Variants in FAM193A observed in about 807,000 individuals in gnomAD.
FAM193A encodes the protein family with sequence similarity 193 member A.
A neutral mutation model predicts 126.5 loss-of-function variants in FAM193A; 22 were observed. That is an observed-to-expected ratio of 0.17 (90% CI 0.12 to 0.25). The LOEUF (loss-of-function observed/expected upper bound fraction) is 0.25, where lower values mean the gene tolerates loss of function less well. Ranked by LOEUF, FAM193A falls within the 10% of genes least tolerant of loss-of-function variation. The pLI, the probability that FAM193A is intolerant of heterozygous loss-of-function variation, is 1.00. For missense variants in FAM193A, 1,675 were observed against 1,672.8 expected, an observed-to-expected ratio of 1.00 and a Z score of -0.02; for synonymous variants, 761 against 646.8, an observed-to-expected ratio of 1.18 and a Z score of -2.68.
Position 2,639,815 on chromosome 4 carries a change from G to C in FAM193A, c.1119G>C (p.Glu373Asp). The change falls in exon 6 of 21, where the codon GAG becomes GAC. Residue 373 changes from glutamate to aspartate, a missense_variant. Around this residue, in one of 4 missense-constraint regions of FAM193A, gnomAD observed 1,186 missense variants for 1,109.2 expected, o/e 1.07. Coordinates refer to ENST00000637812, the MANE Select transcript of FAM193A (RefSeq NM_001366318.2). ...TGTTTGAAAATCTGGTCTTTTCGGA[G>C]CCACTTCTTCAGAGCAACTTGCCCG... ...KHLFENLVFSEPLLQSNLPAL... is the reference protein window; with the variant it reads ...KHLFENLVFSDPLLQSNLPAL... The C allele has an allele frequency of 1.2e-6, 2 of 1,614,122 alleles. No homozygotes were observed. The highest frequency in any genetic ancestry group is 1.3e-5 in the African/African-American group (1 of 75,048).
At chr4:2,589,892 T>C (rs1740423787) in intron 1 of FAM193A, among the ~76,000 whole-genome samples, 2 of 152,074 alleles carry the variant, frequency 1.3e-5, no homozygotes, top group African/African-American at 4.8e-5. Flanking sequence ...ATCCCAGCAC[T>C]TTGGGAGGCC....
At chr4:2,594,711 G>A (rs1740752065) in intron 1 of FAM193A, among the ~76,000 whole-genome samples, 1 of 151,986 alleles carries the variant, frequency 6.6e-6, no homozygotes, top group African/African-American at 2.4e-5. Flanking sequence ...GGTTGATACG[G>A]GTTAAAAATC....
chr4:2,564,524 G>A (rs1006244167), intron 1 of FAM193A, among the ~76,000 whole-genome samples: 4 of 152,074 alleles, frequency 2.6e-5, no homozygotes, highest in African/African-American at 9.7e-5. Flanking sequence ...ATCTAATATT[G>A]GAGACAAAAT....
Position 2,732,014 on chromosome 4 carries a change from T to A in FAM193A, c.*146T>A. ...CTGCCTGAAACCCCAGACCGAGAAGTTGATGCTCGGCCCACGCCGTTAGCT... is the reference window on the plus strand; with the variant it reads ...CTGCCTGAAACCCCAGACCGAGAAGATGATGCTCGGCCCACGCCGTTAGCT... On this transcript the variant is annotated 3_prime_UTR_variant, in exon 21 of 21. Transcript: ENST00000637812. 1.4e-6 allele frequency: 1 copy of A among 698,638 alleles called. No individual in the cohort carries two copies. The highest frequency in any genetic ancestry group is 2.6e-6 in the Non-Finnish European group (1 of 389,424). The allele number at this position is 698,638 out of a possible 1,614,324, so 43.3% of individuals were successfully genotyped here.
chr4:2,651,879 C>G (rs1048029551), intron 7 of FAM193A, among the ~76,000 whole-genome samples: 3 of 152,132 alleles, frequency 2.0e-5, no homozygotes, highest in Non-Finnish European at 4.4e-5. Flanking sequence ...CCAGACAGCC[C>G]CCAGGAGGAG....
intron 19 of FAM193A, among the ~76,000 whole-genome samples, chr4:2,715,170 T>G (rs1719409771): frequency 6.6e-6 from 1 of 152,186 alleles, no homozygotes. Flanking sequence ...TGGAACAACT[T>G]GAAAGTGTTT....
Position 2,699,966 on chromosome 4 carries a change from A to G in FAM193A, c.3794A>G (p.Glu1265Gly). The change falls in exon 19 of 21, where the codon GAG (glutamate) becomes GGG (glycine). Residue 1265 changes from glutamate (E) to glycine (G), a missense_variant. Glu to Gly is a moderately conservative substitution (Grantham distance 98). Transcript: ENST00000637812. ...GGAAACATCCACAATGGCTCACTAGAGCAAACTGAAGAACCAGAAACCTCT... is the reference window on the plus strand; with the variant it reads ...GGAAACATCCACAATGGCTCACTAGGGCAAACTGAAGAACCAGAAACCTCT... ...NSGNIHNGSL[E>G]QTEEPETSSH... The G allele has an allele frequency of 1.2e-6, 2 of 1,614,050 alleles. No individual in the cohort carries two copies. Among genetic ancestry groups the G allele is most frequent in the East Asian group, 2.2e-5 (1 of 44,868 alleles).
At chr4:2,649,972 A>G (rs1452472189) in intron 7 of FAM193A, among the ~76,000 whole-genome samples, 1 of 152,142 alleles carries the variant, frequency 6.6e-6, no homozygotes, top group Non-Finnish European at 1.5e-5. Flanking sequence ...CCTATTGTGA[A>G]CTGCGTGTGC....
At chr4:2,700,959 T>C (rs1265453665) in intron 19 of FAM193A, among the ~76,000 whole-genome samples, 2 of 150,592 alleles carry the variant, frequency 1.3e-5, no homozygotes, top group African/African-American at 5.0e-5. Flanking sequence ...AGAGACTCCA[T>C]CTCAAAAAAT....
chr4:2,564,057 TTAG>T (rs776463855), intron 1 of FAM193A, among the ~76,000 whole-genome samples: 17 of 152,148 alleles, frequency 1.1e-4, no homozygotes, highest in Non-Finnish European at 2.2e-4. Flanking sequence ...ATACGGAGAA[TTAG>T]TAGCATATGG....
intron 1 of FAM193A, among the ~76,000 whole-genome samples, chr4:2,542,523 C>G (rs1737295526): frequency 6.6e-6 from 1 of 152,190 alleles, no homozygotes; most frequent in Non-Finnish European, 1.5e-5. Context: ...TAAAGAAACT[C>G]TTTATGGTAA....
intron 1 of FAM193A, among the ~76,000 whole-genome samples, chr4:2,543,703 C>A (rs894165492): frequency 1.3e-5 from 2 of 151,302 alleles, no homozygotes; most frequent in Non-Finnish European, 2.9e-5. Context: ...CTAAAAAATG[C>A]AAAAATTAGC....
At chr4:2,645,936 T>C (rs1745094021) in intron 6 of FAM193A, among the ~76,000 whole-genome samples, 1 of 152,234 alleles carries the variant, frequency 6.6e-6, no homozygotes, top group African/African-American at 2.4e-5. Flanking sequence ...CTAAATTTTA[T>C]GTCTCATTAA....
chr4:2,593,035 A>G (rs1179735949), intron 1 of FAM193A, among the ~76,000 whole-genome samples: 3 of 152,136 alleles, frequency 2.0e-5, no homozygotes, highest in African/African-American at 4.8e-5. Flanking sequence ...TACAGAGCCT[A>G]CAAGCCCTGA....
intron 20 of FAM193A, among the ~76,000 whole-genome samples, chr4:2,728,317 A>T (rs1412530565): frequency 7.7e-6 from 1 of 129,406 alleles, no homozygotes; most frequent in Non-Finnish European, 1.5e-5. Flanking sequence ...GTATCTTTCC[A>T]CCTCAGTCTT....
rs1187539017 is a variant in FAM193A at position 2,716,033 on chromosome 4, T to C, written c.4383T>C (p.Phe1461=). ...DRVNNSIDDV[F]LPKDIDLDSV... is the part of the protein sequence containing the mutation. ...TCTTTTGTTTTACAGATGATGTCTTTCTACCTAAAGATATTGACCTAGACA... is the reference window on the plus strand; with the variant it reads ...TCTTTTGTTTTACAGATGATGTCTTCCTACCTAAAGATATTGACCTAGACA... The change falls in exon 20 of 21, where the codon TTT becomes TTC. Residue 1461 remains phenylalanine, a synonymous_variant. Coordinates refer to ENST00000637812, the MANE Select transcript of FAM193A (RefSeq NM_001366318.2). 1 of 1,590,928 alleles carries C rather than the reference T, an allele frequency of 6.3e-7. No homozygotes were observed. The highest frequency in any genetic ancestry group is 2.2e-5 in the East Asian group (1 of 44,780).
intron 1 of FAM193A, among the ~76,000 whole-genome samples, chr4:2,546,480 T>C (rs575927735): frequency 6.6e-6 from 1 of 152,272 alleles, no homozygotes; most frequent in African/African-American, 2.4e-5. Flanking sequence ...GATTTTATCT[T>C]TTGGATAAGT....
In FAM193A at chr4:2,596,340, G is replaced by A; in HGVS notation, c.501+11G>A. ...CTTGACCAGCCAGTGGTGAGTGGCT[G>A]CCAGCACAGGCAGCGCAGGGCGTTG... On this transcript the variant is annotated intron_variant, in intron 2 of 20. Coordinates refer to ENST00000637812, the MANE Select transcript of FAM193A (RefSeq NM_001366318.2). The A allele has an allele frequency of 1.4e-6, 1 of 700,252 alleles. No homozygotes were observed. Among genetic ancestry groups the A allele is most frequent in the Middle Eastern group, 2.8e-4 (1 of 3,592 alleles). The allele number at this position is 700,252 out of a possible 1,614,324, so 43.4% of individuals were successfully genotyped here.
At chr4:2,731,214 A>AAC (rs1225637437) in intron 20 of FAM193A, among the ~76,000 whole-genome samples, 6 of 115,722 alleles carry the variant, frequency 5.2e-5, no homozygotes, top group Admixed American at 4.1e-4. Flanking sequence ...AAAAAAAAAA[A>AAC]AAAAAAAAAA....
Sources: gnomAD v4.1 joint callset for allele counts (sites outside exome capture counted in the v4.1 genomes callset) on GRCh38, gnomAD v4.1.1 for gene constraint, gnomAD v4.1.1 regional missense constraint, MANE v1.5 for transcripts, NCBI Gene and HGNC (gene_info 2026-07-23, HGNC 2026-07-21) for gene names.